TSPAN9: variants seen among roughly 807,000 people sequenced by gnomAD.
The protein encoded by TSPAN9 is tetraspanin-9.
A neutral mutation model predicts 31.0 loss-of-function variants in TSPAN9; 16 were observed. That is an observed-to-expected ratio of 0.52 (90% CI 0.35 to 0.78). The LOEUF (loss-of-function observed/expected upper bound fraction) is 0.78, where lower values mean the gene tolerates loss of function less well. TSPAN9 is among the 30% of genes least tolerant of loss of function. TSPAN9 has a pLI of 0.01. For missense variants in TSPAN9, 272 were observed against 312.5 expected, an observed-to-expected ratio of 0.87 and a Z score of 0.98; for synonymous variants, 145 against 121.6, an observed-to-expected ratio of 1.19 and a Z score of -1.27.
chr12:3,214,827 T>C (rs1183048665), intron 3 of TSPAN9, among the ~76,000 whole-genome samples: 1 of 152,108 alleles, frequency 6.6e-6, no homozygotes, highest in African/African-American at 2.4e-5. Flanking sequence ...CCTTAATTAC[T>C]ATTGTTCCAA....
At chr12:3,180,063 T>TTG (rs2098357884) in intron 2 of TSPAN9, among the ~76,000 whole-genome samples, 1 of 152,166 alleles carries the variant, frequency 6.6e-6, no homozygotes, top group Non-Finnish European at 1.5e-5. Flanking sequence ...GTTCCAAGAC[T>TTG]TGTGGGCCAT....
At chr12:3,236,265 C>G (rs2098393686) in intron 3 of TSPAN9, among the ~76,000 whole-genome samples, 1 of 152,186 alleles carries the variant, frequency 6.6e-6, no homozygotes, top group East Asian at 1.9e-4. Context: ...ATAATCTCTA[C>G]CTTGAGGGAA....
intron 2 of TSPAN9, among the ~76,000 whole-genome samples, chr12:3,182,245 G>C (rs577686886): frequency 2.6e-5 from 4 of 152,106 alleles, no homozygotes; most frequent in African/African-American, 9.6e-5. Flanking sequence ...CTGCTTGGGG[G>C]ATGCTCTGCT....
chr12:3,241,011 T>C (rs1284617146), intron 3 of TSPAN9, among the ~76,000 whole-genome samples: 1 of 152,210 alleles, frequency 6.6e-6, no homozygotes, highest in East Asian at 1.9e-4. Flanking sequence ...TGGAGCTTTC[T>C]ACTACAGCAC....
chr12:3,161,858 C>A (rs2098345526), intron 2 of TSPAN9, among the ~76,000 whole-genome samples: 1 of 152,084 alleles, frequency 6.6e-6, no homozygotes, highest in African/African-American at 2.4e-5. Flanking sequence ...CTCTGTCACC[C>A]AGGCTGGAGT....
intron 3 of TSPAN9, among the ~76,000 whole-genome samples, chr12:3,266,335 G>T (rs75371980): frequency 6.6e-6 from 1 of 152,220 alleles, no homozygotes; most frequent in African/African-American, 2.4e-5. Context: ...GGAGGACAAA[G>T]ATGCCACTGG....
chr12:3,229,952 A>G (rs115124072), intron 3 of TSPAN9, among the ~76,000 whole-genome samples: 2,437 of 152,306 alleles, frequency 0.016, 58 homozygotes, highest in African/African-American at 0.055. Flanking sequence ...TTGCCTCTTA[A>G]GCCCTGGGTT....
chr12:3,109,295 T>TGAGAGA (rs1157489756), intron 2 of TSPAN9, among the ~76,000 whole-genome samples: 11 of 114,970 alleles, frequency 9.6e-5, no homozygotes, highest in African/African-American at 4.3e-4. Flanking sequence ...TGTGTGTGTG[T>TGAGAGA]GTGTGAGAGA....
chr12:3,127,998 CTG>C (rs1399108672), intron 2 of TSPAN9, among the ~76,000 whole-genome samples: 5 of 152,272 alleles, frequency 3.3e-5, no homozygotes, highest in East Asian at 1.9e-4. Flanking sequence ...CACGTCAAGA[CTG>C]TGTGTTGTTG....
chr12:3,251,110 G>A (rs969918237), intron 3 of TSPAN9, among the ~76,000 whole-genome samples: 2 of 151,546 alleles, frequency 1.3e-5, no homozygotes, highest in African/African-American at 4.9e-5. Context: ...AAGGATTTCA[G>A]TTGGTGACTT....
intron 2 of TSPAN9, among the ~76,000 whole-genome samples, chr12:3,096,117 C>T (rs902442652): frequency 6.6e-6 from 1 of 152,122 alleles, no homozygotes; most frequent in Non-Finnish European, 1.5e-5. Context: ...TCCCGGCGGT[C>T]GGGCGGCGGC....
At chr12:3,233,738 T>C (rs1004574736) in intron 3 of TSPAN9, among the ~76,000 whole-genome samples, 1 of 152,234 alleles carries the variant, frequency 6.6e-6, no homozygotes, top group African/African-American at 2.4e-5. Flanking sequence ...TTCATGCACA[T>C]GAATAATAGT....
intron 2 of TSPAN9, among the ~76,000 whole-genome samples, chr12:3,085,019 C>T (rs1031816232): frequency 2.6e-5 from 4 of 152,134 alleles, no homozygotes; most frequent in Non-Finnish European, 5.9e-5. Context: ...TGAGGCACCG[C>T]GTATCACTGG....
chr12:3,185,459 A>G (rs781254657), intron 2 of TSPAN9, among the ~76,000 whole-genome samples: 8 of 152,044 alleles, frequency 5.3e-5, no homozygotes, highest in Non-Finnish European at 1.2e-4. Flanking sequence ...GCAGCTCCTG[A>G]CTCACTTTCC....
At chr12:3,225,220 C>T (rs140049513) in intron 3 of TSPAN9, among the ~76,000 whole-genome samples, 16 of 152,134 alleles carry the variant, frequency 1.1e-4, no homozygotes, top group East Asian at 3.9e-4. Flanking sequence ...GGCTTTCATC[C>T]GACCCACAGC....
chr12:3,152,686 A>G (rs935780027), intron 2 of TSPAN9, among the ~76,000 whole-genome samples: 1 of 152,040 alleles, frequency 6.6e-6, no homozygotes, highest in Non-Finnish European at 1.5e-5. Flanking sequence ...CCCAGGTTCA[A>G]GCAATTCTCC....
intron 3 of TSPAN9, among the ~76,000 whole-genome samples, chr12:3,256,579 G>A (rs886737328): frequency 2.0e-5 from 3 of 152,226 alleles, no homozygotes; most frequent in African/African-American, 4.8e-5. Flanking sequence ...TGGGAGGGCC[G>A]GATGAGGTTA....
chr12:3,114,765 C>A (rs1242101258), intron 2 of TSPAN9, among the ~76,000 whole-genome samples: 1 of 151,618 alleles, frequency 6.6e-6, no homozygotes, highest in South Asian at 2.1e-4. Flanking sequence ...ATCGCTTGAA[C>A]CCAGGAGGTG....
At chr12:3,208,836 G>A (rs1053610896) in intron 3 of TSPAN9, among the ~76,000 whole-genome samples, 1 of 152,218 alleles carries the variant, frequency 6.6e-6, no homozygotes, top group South Asian at 2.1e-4. Context: ...TTTGAATCTT[G>A]TGTGAAGTGT....
Sources: allele counts gnomAD v4.1 joint callset (sites outside exome capture counted in the v4.1 genomes callset), GRCh38; gene constraint gnomAD v4.1.1; transcripts MANE v1.5; gene names NCBI Gene and HGNC (gene_info 2026-07-23, HGNC 2026-07-21).